MARF1: variants seen among roughly 807,000 people sequenced by gnomAD.
MARF1 encodes limkain-b1.
A neutral mutation model predicts 168.2 loss-of-function variants in MARF1; 24 were observed. The observed-to-expected ratio is 0.14, with a 90% confidence interval of 0.10 to 0.20. The LOEUF (loss-of-function observed/expected upper bound fraction) is 0.20, where lower values mean the gene tolerates loss of function less well. Ranked by LOEUF, MARF1 falls within the 10% of genes least tolerant of loss-of-function variation. The pLI is 1.00. For synonymous variants in MARF1, 868 were observed against 822.4 expected, an observed-to-expected ratio of 1.06 and a Z score of -0.95; for missense variants, 1,744 against 2,143.6, an observed-to-expected ratio of 0.81 and a Z score of 3.68.
chr16:15,639,653 G>A (rs1057317810), intron 1 of MARF1, among the ~76,000 whole-genome samples: 9 of 151,980 alleles, frequency 5.9e-5, no homozygotes, highest in Non-Finnish European at 1.0e-4. Context: ...CACCCTCCTC[G>A]GCCTCCCAAA....
At chr16:15,641,899 G>A (rs2035998686) in intron 1 of MARF1, among the ~76,000 whole-genome samples, 1 of 152,126 alleles carries the variant, frequency 6.6e-6, no homozygotes, top group Admixed American at 6.5e-5. Flanking sequence ...CCAAAAGCAG[G>A]TTCTGTTTGA....
rs764462037 is a variant in MARF1, at chr16:15,617,387, A to G, written c.2869T>C (p.Ser957Pro). 1 of 1,614,160 alleles carries G rather than the reference A, an allele frequency of 6.2e-7. No homozygotes were observed. The change falls in exon 14 of 27, where the codon TCC (serine) becomes CCC (proline). Residue 957 changes from serine (S) to proline (P), a missense_variant. Coordinates refer to ENST00000396368, the MANE Select transcript of MARF1 (RefSeq NM_014647.4). ...ATAATTGGGCTGCAATTCGTGGAGGAGCCGTCGTGTGACTGGGAAGACCCC... is the reference window on the plus strand; with the variant it reads ...ATAATTGGGCTGCAATTCGTGGAGGGGCCGTCGTGTGACTGGGAAGACCCC... ...PLGSSQSHDG[S>P]STNCSPIIFE...
In MARF1 at chr16:15,617,531, C is replaced by G. The variant is rs1279090125; in HGVS notation, c.2725G>C (p.Gly909Arg). 6.2e-7 allele frequency: 1 copy of G among 1,603,222 alleles called. No homozygotes were observed. Among genetic ancestry groups the G allele is most frequent in the Non-Finnish European group, 8.5e-7 (1 of 1,172,676 alleles). The change falls in exon 14 of 27, where the codon GGA becomes CGA. Residue 909 changes from glycine to arginine, a missense_variant. Physicochemically the swap from Gly to Arg is moderately radical, Grantham distance 125. This residue lies in a region of MARF1 where 543 missense variants were observed against 742.1 expected (regional missense o/e 0.73). Transcript: ENST00000396368. Reference protein sequence around the residue: ...KFTDIYEKKFGHKLNVSDLYK... With the variant: ...KFTDIYEKKFRHKLNVSDLYK... ...AGATCTGACACATTCAACTTGTGTC[C>G]AAACCTAAAAGCAAGAGAAGAGAGA...
At chr16:15,617,215 G>A (rs779924329) in intron 14 of MARF1, 44 bp from the exon 15 acceptor site, 7 of 1,611,788 alleles carry the variant, frequency 4.3e-6, no homozygotes, top group Non-Finnish European at 5.9e-6. Context: ...TTCCGCAGGG[G>A]TCTAAGATGT....
At chr16:15,600,343 A>T (rs1596428126) in intron 25 of MARF1, 85 bp downstream of exon 25, 2 of 1,553,638 alleles carry the variant, frequency 1.3e-6, no homozygotes, top group African/African-American at 2.7e-5. Context: ...GACTTGCTGG[A>T]GTCCTTTCCC....
At chr16:15,627,057 G>C (rs571084821) in intron 7 of MARF1, among the ~76,000 whole-genome samples, 3 of 151,606 alleles carry the variant, frequency 2.0e-5, no homozygotes, top group South Asian at 4.2e-4. Context: ...ACAAACGAAC[G>C]AACGAACGAA....
chr16:15,608,860 G>A, intron 20 of MARF1: 1 of 302,324 alleles, frequency 3.3e-6, no homozygotes, highest in South Asian at 5.1e-5. Flanking sequence ...ACAGCGAACA[G>A]CTTAGCACTG....
chr16:15,637,367 T>C (rs572845135), intron 2 of MARF1, among the ~76,000 whole-genome samples: 1 of 152,324 alleles, frequency 6.6e-6, no homozygotes, highest in Non-Finnish European at 1.5e-5. Flanking sequence ...AGGGTCCATC[T>C]GACGCCTAAA....
intron 20 of MARF1, 77 bp downstream of exon 20, chr16:15,609,446 A>G: frequency 8.3e-7 from 1 of 1,206,870 alleles, no homozygotes; most frequent in South Asian, 1.4e-5. Context: ...CCAGAAAAAC[A>G]GGTCTGGAAC....
At position 15,608,390 on chromosome 16, in the gene MARF1, A is replaced by C; in HGVS notation, c.4083T>G (p.Leu1361=). 6.2e-7 allele frequency: 1 copy of C among 1,613,964 alleles called. No individual in the cohort carries two copies. The highest frequency in any genetic ancestry group is 8.5e-7 in the Non-Finnish European group (1 of 1,179,858). The change falls in exon 21 of 27, where the codon CTT becomes CTG. Residue 1361 remains leucine, a synonymous_variant. Transcript: ENST00000396368. The part of the protein sequence containing the change: ...KDNCLMMTDL[L]TEYAKTFGYT... ...AACCAAAAGTTTTAGCATATTCTGT[A>C]AGGAGATCTGTCATCATAAGGCAGT... is the stretch of plus-strand genomic sequence containing the variant.
intron 15 of MARF1, among the ~76,000 whole-genome samples, chr16:15,616,425 TGTACTCTCA>T (rs2034047443): frequency 6.6e-6 from 1 of 152,240 alleles, no homozygotes; most frequent in South Asian, 2.1e-4. Context: ...TTTGAAGCTG[TGTACTCTCA>T]ACACTTGTGG....
intron 19 of MARF1, 90 bp from the exon 20 acceptor site, chr16:15,609,815 T>A: frequency 9.5e-7 from 1 of 1,049,998 alleles, no homozygotes; most frequent in Non-Finnish European, 1.4e-6. Context: ...TTTTGGGAAT[T>A]TATAAACGAT....
chr16:15,600,736 A>C (rs1335757197), intron 23 of MARF1, 35 bp from the exon 24 acceptor site: 1 of 1,607,914 alleles, frequency 6.2e-7, no homozygotes, highest in Non-Finnish European at 8.5e-7. Context: ...TAAGCAGCGG[A>C]AAAGGAGGGG....
Position 15,636,291 on chromosome 16 carries a change from A to G in MARF1, c.196T>C (p.Ser66Pro). ...AGCTTAGAGCCAGCATGAAGGGGTG[A>G]TGGTACATCCTTTAGTTCCACAGCA... ...KVAVELKDVPSPLHAGSKLFP... is the reference protein window; with the variant it reads ...KVAVELKDVPPPLHAGSKLFP... The change falls in exon 3 of 27, where the codon TCA becomes CCA. Residue 66 changes from serine to proline, a missense_variant. By Grantham distance (74) the Ser-to-Pro change is moderately conservative. Coordinates refer to ENST00000396368, the MANE Select transcript of MARF1 (RefSeq NM_014647.4). 6.2e-7 allele frequency: 1 copy of G among 1,606,440 alleles called. No individual in the cohort carries two copies.
intron 16 of MARF1, among the ~76,000 whole-genome samples, chr16:15,615,304 T>C (rs1266397126): frequency 3.5e-4 from 53 of 152,146 alleles, no homozygotes; most frequent in Admixed American, 3.5e-3. Flanking sequence ...AAGAGCAGCC[T>C]GGACAACACA....
At position 15,611,045 on chromosome 16, in the gene MARF1, T is replaced by C. The variant is rs762560820; in HGVS notation, c.3681A>G (p.Ser1227=). The change falls in exon 19 of 27, where the codon TCA becomes TCG. Residue 1227 remains serine (S), a synonymous_variant. Transcript: ENST00000396368. ...YGVCELIDIV[S]EIPDTTICLS... is the part of the protein sequence containing the mutation. The stretch of plus-strand genomic sequence containing the variant: ...AGCAGATGGTTGTGTCTGGAATCTC[T>C]GATACGATGTCAATCAACTCACAAA... The C allele has an allele frequency of 1.2e-6, 2 of 1,613,752 alleles. No homozygotes were observed. Among genetic ancestry groups the C allele is most frequent in the Non-Finnish European group, 1.7e-6 (2 of 1,179,640 alleles).
At chr16:15,630,599 A>C in intron 6 of MARF1, 95 bp from the exon 7 acceptor site, 1 of 1,151,596 alleles carries the variant, frequency 8.7e-7, no homozygotes, top group Non-Finnish European at 1.2e-6. Context: ...GAAGAAAGGA[A>C]AGGCTGGACT....
intron 2 of MARF1, among the ~76,000 whole-genome samples, chr16:15,637,746 CCTCA>C (rs963560894): frequency 6.6e-6 from 1 of 152,178 alleles, no homozygotes; most frequent in Admixed American, 6.5e-5. Context: ...TGATGCCAAC[CCTCA>C]CTGTCAACTG....
intron 19 of MARF1, 123 bp downstream of exon 19, chr16:15,610,852 T>A: frequency 1.1e-6 from 1 of 912,990 alleles, no homozygotes; most frequent in Non-Finnish European, 1.7e-6. Context: ...GTTTTCACAC[T>A]GTGCTTTCTG....
Sources: allele counts gnomAD v4.1 joint callset (sites outside exome capture counted in the v4.1 genomes callset), GRCh38; gene constraint gnomAD v4.1.1; regional missense constraint gnomAD v4.1.1; transcripts MANE v1.5; gene names NCBI Gene and HGNC (gene_info 2026-07-23, HGNC 2026-07-21).